CNTN5: variants seen among roughly 807,000 people sequenced by gnomAD.
The protein encoded by CNTN5 is contactin 5.
In CNTN5, 77 loss-of-function variants were observed where a neutral mutation model predicts 129.1. That is an observed-to-expected ratio of 0.60 (90% CI 0.50 to 0.72). The LOEUF is 0.72. Among genes scored for constraint, CNTN5 ranks in the 30% least tolerant of loss-of-function variants. The pLI is 0.00. For missense variants in CNTN5, 1,478 were observed against 1,328.8 expected, an observed-to-expected ratio of 1.11 and a Z score of -1.75; for synonymous variants, 509 against 465.6, an observed-to-expected ratio of 1.09 and a Z score of -1.20.
At chr11:99,323,653 C>T (rs1404704442) in intron 1 of CNTN5, among the ~76,000 whole-genome samples, 3 of 151,960 alleles carry the variant, frequency 2.0e-5, no homozygotes, top group Non-Finnish European at 4.4e-5. Context: ...AAAATTCTGA[C>T]TTCCAAAAAC....
intron 21 of CNTN5, 32 bp from the exon 22 acceptor site, chr11:100,340,431 A>G: frequency 6.5e-7 from 1 of 1,548,634 alleles, no homozygotes; most frequent in Non-Finnish European, 8.8e-7. Flanking sequence ...GAAGCTTTAA[A>G]ATTAACCTGC....
At position 100,141,538 on chromosome 11, in the gene CNTN5, A is replaced by G. The variant is rs182184337; in HGVS notation, c.1581-49588A>G. The stretch of plus-strand genomic sequence containing the variant: ...AGAGAATAACAACTTACCTCTATTT[A>G]GTCCCTAATGCATTTTGTTATAATT... On this transcript the variant is annotated intron_variant, in intron 13 of 24. Transcript: ENST00000524871. Among the ~76,000 whole-genome samples, 310 of 152,256 alleles carry G rather than the reference A, an allele frequency of 2.0e-3. 1 individual carries two copies. Among genetic ancestry groups the G allele is most frequent in the African/African-American group, 7.1e-3 (293 of 41,542 alleles).
chr11:99,086,074 C>T (rs1865994307), intron 1 of CNTN5, among the ~76,000 whole-genome samples: 1 of 152,186 alleles, frequency 6.6e-6, no homozygotes, highest in Non-Finnish European at 1.5e-5. Context: ...AGTACTGCAT[C>T]CTGCATTGGT....
In CNTN5 at chr11:99,916,046, G is replaced by A. The variant is rs1377683991; in HGVS notation, c.578-8G>A. The A allele has an allele frequency of 6.2e-7, 1 of 1,606,238 alleles. No homozygotes were observed. The highest frequency in any genetic ancestry group is 1.1e-5 in the South Asian group (1 of 90,168). On this transcript the variant is annotated splice_polypyrimidine_tract_variant and splice_region_variant and intron_variant, in intron 6 of 24. Transcript: ENST00000524871. The stretch of plus-strand genomic sequence containing the variant: ...GCCTTGGATCTAAATGTTTTATTAT[G>A]TTGACAGATCTGGGAAATTTTAGTG...
In CNTN5 at chr11:99,925,258, C is replaced by T. The variant is rs144246938; in HGVS notation, c.673+9109C>T. ...TCATAATAATCAGTTAAGTAGGAAGCGCCAAGGCAACTGGAGTAAGTGCAT... is the reference window on the plus strand; with the variant it reads ...TCATAATAATCAGTTAAGTAGGAAGTGCCAAGGCAACTGGAGTAAGTGCAT... On this transcript the variant is annotated intron_variant, in intron 7 of 24. Coordinates refer to ENST00000524871, the MANE Select transcript of CNTN5 (RefSeq NM_014361.4). Among the ~76,000 whole-genome samples, 138 of 152,212 alleles carry T rather than the reference C, an allele frequency of 9.1e-4. 2 individuals carry two copies. Among genetic ancestry groups the T allele is most frequent in the South Asian group, 7.9e-3 (38 of 4,824 alleles).
chr11:99,616,881 C>T (rs558094249), intron 3 of CNTN5, among the ~76,000 whole-genome samples: 258 of 152,304 alleles, frequency 1.7e-3, no homozygotes, highest in Non-Finnish European at 2.9e-3. Context: ...GAGGCCGAGG[C>T]GGGTCGATGA....
chr11:100,030,802 A>G (rs1408905957), intron 9 of CNTN5, among the ~76,000 whole-genome samples: 1 of 152,236 alleles, frequency 6.6e-6, no homozygotes, highest in African/African-American at 2.4e-5. Context: ...ATGATATATC[A>G]GATAAAATCC....
At chr11:99,780,114 T>C (rs549157924) in intron 3 of CNTN5, among the ~76,000 whole-genome samples, 1 of 152,202 alleles carries the variant, frequency 6.6e-6, no homozygotes, top group South Asian at 2.1e-4. Context: ...TTGCCTCTTC[T>C]CTTGCCTAGC....
rs1464338324 is a variant in CNTN5 at position 100,071,607 on chromosome 11, A to G, written c.1300-98A>G. On this transcript the variant is annotated intron_variant, in intron 11 of 24. Transcript: ENST00000524871. ...TGGCCAAATAATGTTTAACTGTATT[A>G]ATTGCAAACTTGTTTTTTCTTAGTC... The G allele has an allele frequency of 6.2e-6, 5 of 812,298 alleles. No homozygotes were observed. The African/African-American group carries it at 8.7e-5, about 14-fold the overall frequency. 50.3% of individuals were successfully genotyped at this position (812,298 alleles called of 1,614,324 possible). A position where few individuals can be genotyped will look rare whatever the true frequency, so the allele number is the denominator to read the frequency against.
At chr11:99,402,900 G>T (rs1941884503) in intron 2 of CNTN5, among the ~76,000 whole-genome samples, 1 of 151,714 alleles carries the variant, frequency 6.6e-6, no homozygotes, top group African/African-American at 2.4e-5. Flanking sequence ...AATTCCTGTG[G>T]TATCAACTGT....
chr11:99,456,028 T>A (rs1944484856), intron 2 of CNTN5, among the ~76,000 whole-genome samples: 2 of 152,174 alleles, frequency 1.3e-5, no homozygotes, highest in South Asian at 4.1e-4. Context: ...GAAGTCAATT[T>A]AAGGCAGAAA....
chr11:100,271,227 G>T lies in CNTN5; in HGVS notation c.2300G>T (p.Arg767Leu), dbSNP rs199794950. 6.2e-7 allele frequency: 1 copy of T among 1,600,458 alleles called. No homozygotes were observed. The change falls in exon 18 of 25, where the codon CGC becomes CTC. Residue 767 changes from arginine (R) to leucine (L), a missense_variant. By Grantham distance (102) the Arg-to-Leu change is moderately radical (BLOSUM62 -2). Coordinates refer to ENST00000524871, the MANE Select transcript of CNTN5 (RefSeq NM_014361.4). ...CCAAGCACCCCATCTCGAATGATCC[G>T]CACAAATGAAGCAGGTAAAAATTTG... ...GDPSTPSRMI[R>L]TNEAVPKTAP... is the part of the protein sequence containing the mutation.
At chr11:99,598,287 T>C (rs1289422890) in intron 3 of CNTN5, among the ~76,000 whole-genome samples, 128 of 6,338 alleles carry the variant, frequency 0.02, 5 homozygotes, top group South Asian at 0.062. Flanking sequence ...TTCTTTTCTT[T>C]TCTTTTCTTT....
At chr11:99,717,759 A>G (rs1006759147) in intron 3 of CNTN5, among the ~76,000 whole-genome samples, 1 of 152,140 alleles carries the variant, frequency 6.6e-6, no homozygotes, top group African/African-American at 2.4e-5. Flanking sequence ...TCAAATGCAT[A>G]TAGAGGGAAA....
chr11:100,158,897 CA>C (rs1947346138), intron 13 of CNTN5, among the ~76,000 whole-genome samples: 1 of 151,794 alleles, frequency 6.6e-6, no homozygotes, highest in Admixed American at 6.6e-5. Flanking sequence ...TTAGCACTAG[CA>C]AAAACTGAAA....
In CNTN5 at chr11:100,099,196, C is replaced by T. The variant is rs1416957317; in HGVS notation, c.1580+24902C>T. 3.3e-5 allele frequency among the ~76,000 whole-genome samples: 5 copies of T among 152,158 alleles called. No homozygotes were observed. In the East Asian group the frequency reaches 5.8e-4, roughly 18 times the overall value. On this transcript the variant is annotated intron_variant, in intron 13 of 24. Transcript: ENST00000524871. Reference sequence around the variant, plus strand: ...AACAGTGAGGCCCAGAGATGTCGAGCAACTGGCCCAAGTTCACACAGAAAG... The same window carrying T: ...AACAGTGAGGCCCAGAGATGTCGAGTAACTGGCCCAAGTTCACACAGAAAG...
chr11:99,444,845 A>G (rs570605699), intron 2 of CNTN5, among the ~76,000 whole-genome samples: 1 of 151,960 alleles, frequency 6.6e-6, no homozygotes, highest in South Asian at 2.1e-4. Context: ...CTCTTTTCCT[A>G]CAGGTATCCA....
chr11:100,137,564 T>C (rs10791200), intron 13 of CNTN5, among the ~76,000 whole-genome samples: 67,376 of 151,806 alleles, frequency 0.44, 16,102 homozygotes, highest in East Asian at 0.63. Context: ...ATCCATGTAA[T>C]ATTATCTAAA....
At chr11:99,860,338 T>C (rs1227244020) in intron 6 of CNTN5, among the ~76,000 whole-genome samples, 1 of 152,146 alleles carries the variant, frequency 6.6e-6, no homozygotes, top group Admixed American at 6.5e-5. Context: ...TTTTAGCTTA[T>C]GTTGCATTTG....
Sources: gnomAD v4.1 joint callset for allele counts (sites outside exome capture counted in the v4.1 genomes callset) on GRCh38, gnomAD v4.1.1 for gene constraint, MANE v1.5 for transcripts, NCBI Gene and HGNC (gene_info 2026-07-23, HGNC 2026-07-21) for gene names.